Variants in GABRG3 observed in about 807,000 individuals in gnomAD.
GABRG3 encodes the protein gamma-aminobutyric acid receptor subunit gamma-3.
A neutral mutation model predicts 48.8 loss-of-function variants in GABRG3; 25 were observed. That is an observed-to-expected ratio of 0.51 (90% CI 0.37 to 0.72). GABRG3 has a LOEUF of 0.72. Ranked by LOEUF, GABRG3 falls within the 30% of genes least tolerant of loss-of-function variation. GABRG3 has a pLI of 0.00. For synonymous variants in GABRG3, 227 were observed against 217.6 expected, an observed-to-expected ratio of 1.04 and a Z score of -0.38; for missense variants, 394 against 577.9, an observed-to-expected ratio of 0.68 and a Z score of 3.26.
At chr15:27,149,588 C>T (rs763246543) in intron 3 of GABRG3, among the ~76,000 whole-genome samples, 1 of 152,178 alleles carries the variant, frequency 6.6e-6, no homozygotes, top group Non-Finnish European at 1.5e-5. Flanking sequence ...TCTGAATCTA[C>T]TGCAAAACTA....
intron 3 of GABRG3, among the ~76,000 whole-genome samples, chr15:27,050,362 G>T (rs1429107581): frequency 1.3e-5 from 2 of 152,158 alleles, no homozygotes; most frequent in Non-Finnish European, 2.9e-5. Flanking sequence ...CCTGCTTCCC[G>T]AGGGTGGGTG....
chr15:27,403,929 CAAAAAA>C (rs758952317), intron 5 of GABRG3, among the ~76,000 whole-genome samples: 6 of 83,350 alleles, frequency 7.2e-5, no homozygotes, highest in African/African-American at 3.6e-4. Context: ...AAAAAAAAAA[CAAAAAA>C]AAAAAACCGG....
At chr15:27,189,070 C>T (rs1341654535) in intron 3 of GABRG3, among the ~76,000 whole-genome samples, 1 of 152,128 alleles carries the variant, frequency 6.6e-6, no homozygotes, top group African/African-American at 2.4e-5. Context: ...GGGCTCTGTT[C>T]TGTTCCATTG....
intron 3 of GABRG3, among the ~76,000 whole-genome samples, chr15:27,149,184 A>G (rs1898264481): frequency 6.6e-6 from 1 of 152,146 alleles, no homozygotes. Flanking sequence ...AACAGAACAT[A>G]TTGAATTTTA....
chr15:27,446,573 A>G (rs1888951666), intron 5 of GABRG3, among the ~76,000 whole-genome samples: 1 of 152,132 alleles, frequency 6.6e-6, no homozygotes, highest in Non-Finnish European at 1.5e-5. Flanking sequence ...AAAATTTTGT[A>G]GTTTTCAGAG....
At chr15:27,103,807 C>A (rs1897402133) in intron 3 of GABRG3, among the ~76,000 whole-genome samples, 1 of 152,138 alleles carries the variant, frequency 6.6e-6, no homozygotes, top group Non-Finnish European at 1.5e-5. Context: ...TCAAGGTGAC[C>A]AATATCAATA....
chr15:27,382,975 A>G (rs1463038783), intron 5 of GABRG3, among the ~76,000 whole-genome samples: 1 of 152,162 alleles, frequency 6.6e-6, no homozygotes. Context: ...TCCAAATATA[A>G]ATTTGGAAGT....
At chr15:26,973,997 C>T (rs1192398973) in intron 1 of GABRG3, among the ~76,000 whole-genome samples, 1 of 152,122 alleles carries the variant, frequency 6.6e-6, no homozygotes, top group Non-Finnish European at 1.5e-5. Context: ...TAATGGGTCC[C>T]CTGAGATGAG....
chr15:27,289,051 C>A lies in GABRG3; in HGVS notation c.271-37758C>A, dbSNP rs115830054. 6.7e-3 allele frequency among the ~76,000 whole-genome samples: 1,026 copies of A among 152,258 alleles called. 13 individuals are homozygous for A. The highest frequency in any genetic ancestry group is 0.024 in the African/African-American group (986 of 41,546). On this transcript the variant is annotated intron_variant, in intron 3 of 9. Coordinates refer to ENST00000615808, the MANE Select transcript of GABRG3 (RefSeq NM_033223.5). ...TCAGTATTCAGTGAAATCATTACTC[C>A]TCTGTATATATATAATGTCTTTTAT...
intron 7 of GABRG3, among the ~76,000 whole-genome samples, chr15:27,520,869 T>C (rs7175756): frequency 0.51 from 74,888 of 145,708 alleles, 19,173 homozygotes; most frequent in East Asian, 0.66. Flanking sequence ...ATATTTGCAT[T>C]GTTATTTCTC....
chr15:27,163,054 C>T (rs1208955971), intron 3 of GABRG3, among the ~76,000 whole-genome samples: 1 of 151,976 alleles, frequency 6.6e-6, no homozygotes, highest in Non-Finnish European at 1.5e-5. Context: ...CCTCGCCAGT[C>T]TCAGTGTCCC....
At chr15:27,360,670 C>T (rs1595703731) in intron 5 of GABRG3, among the ~76,000 whole-genome samples, 1 of 152,178 alleles carries the variant, frequency 6.6e-6, no homozygotes, top group African/African-American at 2.4e-5. Flanking sequence ...CCCTTCCAGC[C>T]TGCTCCTGCT....
intron 3 of GABRG3, among the ~76,000 whole-genome samples, chr15:27,188,954 A>G (rs1888197757): frequency 6.6e-6 from 1 of 151,846 alleles, no homozygotes; most frequent in South Asian, 2.1e-4. Context: ...ATGGCTAGCC[A>G]GTTTTCCCAG....
At chr15:27,298,085 G>A (rs1191038288) in intron 3 of GABRG3, among the ~76,000 whole-genome samples, 2 of 152,038 alleles carry the variant, frequency 1.3e-5, no homozygotes, top group Non-Finnish European at 2.9e-5. Flanking sequence ...TACGAATGAT[G>A]TAAAAAGCAA....
At chr15:27,280,703 G>A (rs946818862) in intron 3 of GABRG3, among the ~76,000 whole-genome samples, 1 of 152,198 alleles carries the variant, frequency 6.6e-6, no homozygotes, top group South Asian at 2.1e-4. Flanking sequence ...AAACTGTATG[G>A]TTTCAATTCT....
chr15:27,037,429 C>G (rs1595486433), intron 3 of GABRG3, among the ~76,000 whole-genome samples: 1 of 152,160 alleles, frequency 6.6e-6, no homozygotes, highest in Non-Finnish European at 1.5e-5. Flanking sequence ...TAAGTTAGGT[C>G]AGAGGCACTC....
chr15:26,977,749 T>C (rs533108528), intron 2 of GABRG3, among the ~76,000 whole-genome samples: 1 of 152,334 alleles, frequency 6.6e-6, no homozygotes, highest in Admixed American at 6.5e-5. Context: ...GATTGTTTCC[T>C]GTTTTTGTCT....
At chr15:27,228,713 C>T (rs968476253) in intron 3 of GABRG3, among the ~76,000 whole-genome samples, 18 of 152,290 alleles carry the variant, frequency 1.2e-4, no homozygotes, top group African/African-American at 4.1e-4. Context: ...TTCTCTGCAA[C>T]CTTGCCAGTA....
At chr15:27,201,370 G>A (rs971000424) in intron 3 of GABRG3, among the ~76,000 whole-genome samples, 2 of 151,316 alleles carry the variant, frequency 1.3e-5, no homozygotes, top group Non-Finnish European at 2.9e-5. Context: ...GTGTGTGTGT[G>A]TGAGAGAGAA....
Sources: allele counts gnomAD v4.1 joint callset (sites outside exome capture counted in the v4.1 genomes callset), GRCh38; gene constraint gnomAD v4.1.1; transcripts MANE v1.5; gene names NCBI Gene and HGNC (gene_info 2026-07-23, HGNC 2026-07-21).